Variants in PNPLA7 observed in about 807,000 individuals in gnomAD.
PNPLA7 encodes patatin like domain 7, lysophospholipase, also known as patatin-like phospholipase domain-containing protein 7.
PNPLA7 carries 153 observed loss-of-function variants against 161.7 expected under a neutral mutation model. That is an observed-to-expected ratio of 0.95 (90% confidence interval 0.83 to 1.08). The LOEUF is 1.08. Ranked by LOEUF, PNPLA7 falls within the 50% of genes least tolerant of loss-of-function variation. The pLI is 0.00. For synonymous variants in PNPLA7, 809 were observed against 782.1 expected, an observed-to-expected ratio of 1.03 and a Z score of -0.57; for missense variants, 1,739 against 1,856.6, an observed-to-expected ratio of 0.94 and a Z score of 1.16.
At chr9:137,479,877 T>A (rs1832125652) in intron 23 of PNPLA7, 1 of 985,384 alleles carries the variant, frequency 1.0e-6, no homozygotes, top group African/African-American at 1.7e-5. Flanking sequence ...TGGCTGAGGA[T>A]GCAGAGGCAG....
At chr9:137,478,599 C>G (rs1158313590) in intron 24 of PNPLA7, 1 of 173,098 alleles carries the variant, frequency 5.8e-6, no homozygotes, top group Non-Finnish European at 1.2e-5. Flanking sequence ...CCTGAGGACA[C>G]CGGAATTAAA....
chr9:137,463,333 G>A, intron 29 of PNPLA7, 82 bp downstream of exon 29: 1 of 1,243,478 alleles, frequency 8.0e-7, no homozygotes, highest in Non-Finnish European at 1.1e-6. Flanking sequence ...TCTTGGAGCG[G>A]AGGCAGCTGT....
intron 14 of PNPLA7, among the ~76,000 whole-genome samples, chr9:137,502,721 C>CGGGGGGCGGGGCGGACGGGGGGGACGG (rs1326317923): frequency 5.8e-4 from 7 of 12,152 alleles, no homozygotes; most frequent in South Asian, 3.6e-3. Context: ...GCGGGGGACG[C>CGGGGGGCGGGGCGGACGGGGGGGACGG]GGGGGACGGG....
chr9:137,471,954 C>T (rs886326800), intron 25 of PNPLA7, among the ~76,000 whole-genome samples: 8 of 152,082 alleles, frequency 5.3e-5, no homozygotes, highest in Non-Finnish European at 1.2e-4. Flanking sequence ...TAGATGACTC[C>T]TCGATGCCAA....
At chr9:137,539,879 G>C (rs1433855237) in intron 8 of PNPLA7, among the ~76,000 whole-genome samples, 1 of 152,118 alleles carries the variant, frequency 6.6e-6, no homozygotes, top group South Asian at 2.1e-4. Context: ...TCTACCTCCC[G>C]GGTTCATGCG....
chr9:137,495,536 T>C (rs369477084), intron 18 of PNPLA7, among the ~76,000 whole-genome samples: 260 of 152,046 alleles, frequency 1.7e-3, no homozygotes, highest in African/African-American at 5.9e-3. Context: ...CTCCACCTCC[T>C]GGGTTCACGC....
At chr9:137,480,592 C>G (rs1247613912) in intron 22 of PNPLA7, 112 bp from the exon 23 acceptor site, 13 of 1,235,670 alleles carry the variant, frequency 1.1e-5, no homozygotes, top group Non-Finnish European at 3.3e-6. Context: ...GCCCCTTCCC[C>G]TCCCTGCCCA....
At chr9:137,462,591 C>A in intron 30 of PNPLA7, 94 bp downstream of exon 30, 1 of 1,513,442 alleles carries the variant, frequency 6.6e-7, no homozygotes. Flanking sequence ...GGCCTCAGAG[C>A]CCAGGAGCGA....
At chr9:137,492,856 G>A (rs1832844549) in intron 20 of PNPLA7, among the ~76,000 whole-genome samples, 157 bp downstream of exon 20, 1 of 146,158 alleles carries the variant, frequency 6.8e-6, no homozygotes, top group African/African-American at 2.5e-5. Context: ...TGGGTGGGCA[G>A]GGCTTCATGA....
rs374409690 is a variant in PNPLA7, at chr9:137,540,678, G to A, written c.711C>T (p.Ser237=). 6.8e-6 allele frequency: 11 copies of A among 1,611,764 alleles called. No homozygotes were observed. The highest frequency in any genetic ancestry group is 3.3e-5 in the Admixed American group (2 of 59,838). ...CCAGGATGCTGAGCAGGCTGTGGAC[G>A]CTGTCTCCCGCCAGAACCTCTTTCA... is the stretch of plus-strand genomic sequence containing the variant. ...VVVKEVLAGD[S]VHSLLSILDI... The change falls in exon 8 of 35, where the codon AGC becomes AGT. Residue 237 remains serine (S), a synonymous_variant. Coordinates refer to ENST00000406427, the MANE Select transcript of PNPLA7 (RefSeq NM_001098537.3). This position sits in a 1 kb window ranked among gnomAD's most constrained non-coding sequence, Gnocchi z 5.1.
At chr9:137,487,465 G>A (rs958550143) in intron 20 of PNPLA7, among the ~76,000 whole-genome samples, 3 of 152,244 alleles carry the variant, frequency 2.0e-5, no homozygotes. Context: ...CCCCAGTAAA[G>A]GACCCTGCCT....
In PNPLA7 at chr9:137,467,253, G is replaced by A. The variant is rs867053210; in HGVS notation, c.3039+64C>T. On this transcript the variant is annotated intron_variant, in intron 26 of 34. Transcript: ENST00000406427. The surrounding 1 kb of genome is among the most constrained non-coding windows in gnomAD (Gnocchi z 5.1). ...ACATGCAGAGGCCAACGGCCCCAGC[G>A]TCCCCCAGCACCAGCAAGGACCTGG... 2.7e-5 allele frequency: 42 copies of A among 1,527,940 alleles called. No homozygotes were observed. The highest frequency in any genetic ancestry group is 1.1e-4 in the African/African-American group (8 of 72,752). The allele number at this position is 1,527,940 out of a possible 1,614,324, so 94.6% of individuals were successfully genotyped here. A position where few individuals can be genotyped will look rare whatever the true frequency, so the allele number is the denominator to read the frequency against.
Position 137,541,534 on chromosome 9 carries a change from A to G in PNPLA7, c.667-812T>C. On this transcript the variant is annotated intron_variant, in intron 7 of 34. Coordinates refer to ENST00000406427, the MANE Select transcript of PNPLA7 (RefSeq NM_001098537.3). The surrounding 1 kb of genome is among the most constrained non-coding windows in gnomAD (Gnocchi z 4.4). ...GGACCACAGCTGGCAGGAGCCCTGC[A>G]GGTCAGGGTGATGATCACACAAAGC... The G allele has an allele frequency of 2.0e-6, 2 of 979,644 alleles. No homozygotes were observed. Among genetic ancestry groups the G allele is most frequent in the Non-Finnish European group, 2.4e-6 (2 of 824,630 alleles). The allele number at this position is 979,644 out of a possible 1,614,324, so 60.7% of individuals were successfully genotyped here.
intron 20 of PNPLA7, among the ~76,000 whole-genome samples, chr9:137,491,165 G>C (rs534084853): frequency 2.6e-5 from 4 of 152,274 alleles, no homozygotes; most frequent in South Asian, 4.1e-4. Flanking sequence ...AGGCTGAGGG[G>C]GGGGGAATCA....
intron 14 of PNPLA7, among the ~76,000 whole-genome samples, chr9:137,504,700 CAGA>C (rs1833817572): frequency 6.6e-6 from 1 of 151,650 alleles, no homozygotes. Context: ...GGTGATGCCT[CAGA>C]AGGAGTCCTT....
In PNPLA7 at chr9:137,500,840, G is replaced by A. The variant is rs563010262; in HGVS notation, c.1608C>T (p.Ile536=). Residue 536 remains isoleucine (I), a synonymous_variant, in exon 16 of 35, where the codon ATC becomes ATT. Transcript: ENST00000406427. The surrounding 1 kb of genome is among the most constrained non-coding windows in gnomAD (Gnocchi z 5.5). ...SGLLHVYQRK[I]GSQEDTCLFL... ...ACAAGCAGGTGTCCTCCTGGCTGCCGATCTTCCGCTGGTACACGTGCAGCA... is the reference window on the plus strand; with the variant it reads ...ACAAGCAGGTGTCCTCCTGGCTGCCAATCTTCCGCTGGTACACGTGCAGCA... 2.4e-5 allele frequency: 39 copies of A among 1,598,830 alleles called. No homozygotes were observed. In the Middle Eastern group the frequency reaches 6.6e-4, roughly 27 times the overall value.
At chr9:137,527,949 A>T (rs821310) in intron 8 of PNPLA7, among the ~76,000 whole-genome samples, 9,078 of 152,270 alleles carry the variant, frequency 0.06, 581 homozygotes, top group African/African-American at 0.16. Flanking sequence ...CATTCAGATA[A>T]TCTATATCTG....
chr9:137,541,395 A>G lies in PNPLA7; in HGVS notation c.667-673T>C, dbSNP rs915685814. 2.3e-5 allele frequency: 23 copies of G among 984,482 alleles called. No homozygotes were observed. The highest frequency in any genetic ancestry group is 2.8e-5 in the Non-Finnish European group (23 of 829,064). 61.0% of individuals were successfully genotyped at this position (984,482 alleles called of 1,614,324 possible). The stretch of plus-strand genomic sequence containing the variant: ...TCCCTTCTAATAACCCATCAAGTCC[A>G]GCCACAGACAAAGCGACAAACCTGA... On this transcript the variant is annotated intron_variant, in intron 7 of 34. Coordinates refer to ENST00000406427, the MANE Select transcript of PNPLA7 (RefSeq NM_001098537.3). The surrounding 1 kb of genome is among the most constrained non-coding windows in gnomAD (Gnocchi z 4.4).
At chr9:137,460,951 G>A (rs1425196279) in intron 33 of PNPLA7, 2 of 556,998 alleles carry the variant, frequency 3.6e-6, no homozygotes, top group Non-Finnish European at 6.5e-6. Flanking sequence ...CACTTCGTGG[G>A]TCTTCCACAA....
Sources: allele counts gnomAD v4.1 joint callset (sites outside exome capture counted in the v4.1 genomes callset), GRCh38; gene constraint gnomAD v4.1.1; non-coding constraint Gnocchi (gnomAD v3.1); transcripts MANE v1.5; gene names NCBI Gene and HGNC (gene_info 2026-07-23, HGNC 2026-07-21).